Variants in PTPRG observed in about 807,000 individuals in gnomAD.
The protein encoded by PTPRG is protein tyrosine phosphatase receptor type G, also known as receptor-type tyrosine-protein phosphatase gamma.
In PTPRG, 102 loss-of-function variants were observed where a neutral mutation model predicts 165.3. The ratio of observed to expected loss-of-function variants is 0.62; its 90% CI spans 0.53 to 0.73. PTPRG has a LOEUF of 0.73. PTPRG is among the 30% of genes least tolerant of loss of function. The probability of loss-of-function intolerance (pLI) is 0.00; values close to 1 mark genes in which losing one functional copy is unlikely to be tolerated. For synonymous variants in PTPRG, 675 were observed against 669.5 expected (o/e 1.01, Z -0.13); for missense variants, 1,866 against 1,861.4 (o/e 1.00, Z -0.05).
chr3:62,124,028 AC>A (rs1317692044), intron 5 of PTPRG, among the ~76,000 whole-genome samples: 2 of 152,166 alleles, frequency 1.3e-5, no homozygotes, highest in Non-Finnish European at 2.9e-5. Context: ...AAGTGAGAGA[AC>A]ACCCTGGGAA....
At chr3:62,000,179 A>T (rs1429511152) in intron 3 of PTPRG, among the ~76,000 whole-genome samples, 20 of 151,494 alleles carry the variant, frequency 1.3e-4, no homozygotes, top group Non-Finnish European at 1.5e-5. Context: ...TACTCAGGAC[A>T]CTGAGGCAGG....
intron 4 of PTPRG, among the ~76,000 whole-genome samples, chr3:62,040,023 A>G (rs1700074394): frequency 6.6e-6 from 1 of 152,248 alleles, no homozygotes; most frequent in Non-Finnish European, 1.5e-5. Context: ...AGTATTTTTT[A>G]TAGGTAGTTA....
intron 28 of PTPRG, among the ~76,000 whole-genome samples, chr3:62,284,575 G>C (rs1702567351): frequency 6.6e-6 from 1 of 152,062 alleles, no homozygotes; most frequent in African/African-American, 2.4e-5. Flanking sequence ...ACAGTTGCTA[G>C]CTCTAGTGAG....
At chr3:61,973,272 C>T (rs919771933) in intron 2 of PTPRG, among the ~76,000 whole-genome samples, 15 of 152,196 alleles carry the variant, frequency 9.9e-5, no homozygotes, top group African/African-American at 2.9e-4. Flanking sequence ...TTGTTTTTCA[C>T]AACTAGGATC....
chr3:61,832,460 C>A (rs2036326998), intron 2 of PTPRG, among the ~76,000 whole-genome samples: 2 of 152,100 alleles, frequency 1.3e-5, no homozygotes, highest in African/African-American at 4.8e-5. Flanking sequence ...CAGGGTCATA[C>A]AACTGGGAAG....
intron 2 of PTPRG, among the ~76,000 whole-genome samples, chr3:61,880,892 G>T (rs1230223650): frequency 6.6e-6 from 1 of 151,650 alleles, no homozygotes; most frequent in African/African-American, 2.4e-5. Context: ...TATCCCAGGA[G>T]ATTTCCAATG....
At chr3:61,755,093 C>T (rs1014413494) in intron 2 of PTPRG, among the ~76,000 whole-genome samples, 1 of 152,052 alleles carries the variant, frequency 6.6e-6, no homozygotes, top group Admixed American at 6.6e-5. Flanking sequence ...CTGCAACCTC[C>T]GCCTCCTGGG....
Position 62,254,252 on chromosome 3 carries a change from T to A in PTPRG, c.2468-872T>A, listed in dbSNP as rs1428015243. Among the ~76,000 whole-genome samples, 1 of 152,216 alleles carries A rather than the reference T, an allele frequency of 6.6e-6. No homozygotes were observed. The highest frequency in any genetic ancestry group is 1.5e-5 in the Non-Finnish European group (1 of 68,046). ...ATAAAGTAAATGTCATGTCTGTTGT[T>A]TATCTCAAATTCAGCAGAGTATTTT... On this transcript the variant is annotated intron_variant, in intron 15 of 29. Transcript: ENST00000474889. The surrounding 1 kb of genome is among the most constrained non-coding windows in gnomAD (Gnocchi z 4.6).
intron 4 of PTPRG, among the ~76,000 whole-genome samples, chr3:62,006,326 C>G (rs2041297119): frequency 6.6e-6 from 1 of 152,126 alleles, no homozygotes; most frequent in Non-Finnish European, 1.5e-5. Flanking sequence ...AAAATATGCA[C>G]AAGAAAGTTG....
At position 62,281,555 on chromosome 3, in the gene PTPRG, T is replaced by A; in HGVS notation, c.3766-8T>A. On this transcript the variant is annotated splice_region_variant and splice_polypyrimidine_tract_variant and intron_variant, in intron 26 of 29. Transcript: ENST00000474889. ...TGCAGAGGCTTTTTTTTTTTTTGGA[T>A]TCCAAAGGCAGAAGATGAGTTTGTG... 6.6e-7 allele frequency: 1 copy of A among 1,504,898 alleles called. No individual in the cohort carries two copies. Among genetic ancestry groups the A allele is most frequent in the Non-Finnish European group, 8.9e-7 (1 of 1,125,486 alleles). The allele number at this position is 1,504,898 out of a possible 1,614,324, so 93.2% of individuals were successfully genotyped here. A position where few individuals can be genotyped will look rare whatever the true frequency, so the allele number is the denominator to read the frequency against.
chr3:62,042,609 T>C (rs1051931093), intron 4 of PTPRG, among the ~76,000 whole-genome samples: 1 of 152,186 alleles, frequency 6.6e-6, no homozygotes, highest in Non-Finnish European at 1.5e-5. Context: ...GGGTCTCAGC[T>C]TAGCTGCTTC....
intron 2 of PTPRG, among the ~76,000 whole-genome samples, chr3:61,831,070 C>T (rs910630058): frequency 4.6e-5 from 7 of 152,160 alleles, no homozygotes; most frequent in Non-Finnish European, 7.3e-5. Flanking sequence ...TGAGGAATAT[C>T]GGGTCAGTGA....
At chr3:61,783,767 A>C (rs1266741629) in intron 2 of PTPRG, among the ~76,000 whole-genome samples, 2 of 152,130 alleles carry the variant, frequency 1.3e-5, no homozygotes, top group East Asian at 3.9e-4. Flanking sequence ...TAAGCCCTGG[A>C]AGGAATGTGA....
Position 62,071,866 on chromosome 3 carries a change from G to C in PTPRG, c.520-6297G>C, listed in dbSNP as rs1281340646. 2.0e-5 allele frequency among the ~76,000 whole-genome samples: 3 copies of C among 152,124 alleles called. No homozygotes were observed. The East Asian group carries it at 5.8e-4, about 29-fold the overall frequency. On this transcript the variant is annotated intron_variant, in intron 4 of 29. Coordinates refer to ENST00000474889, the MANE Select transcript of PTPRG (RefSeq NM_002841.4). ...ATCGTACGGATACCTATCTCACTGA[G>C]TGCCAATGAATCATAGTACAGTACC...
At chr3:61,855,996 A>C (rs2037096827) in intron 2 of PTPRG, among the ~76,000 whole-genome samples, 1 of 152,096 alleles carries the variant, frequency 6.6e-6, no homozygotes, top group Non-Finnish European at 1.5e-5. Context: ...CTATTTCCAG[A>C]AGAACTTTCC....
intron 3 of PTPRG, among the ~76,000 whole-genome samples, chr3:61,995,777 C>A (rs1424738146): frequency 1.6e-5 from 2 of 128,134 alleles, no homozygotes; most frequent in Admixed American, 1.8e-4. Context: ...CCTTCTTTTT[C>A]TTTTTCTTTT....
At chr3:62,032,624 T>A (rs1365291965) in intron 4 of PTPRG, among the ~76,000 whole-genome samples, 2 of 152,174 alleles carry the variant, frequency 1.3e-5, no homozygotes, top group Non-Finnish European at 2.9e-5. Flanking sequence ...CAGGATTTAC[T>A]CCTGAGTTAT....
chr3:61,867,947 C>G (rs952660363), intron 2 of PTPRG, among the ~76,000 whole-genome samples: 3 of 152,228 alleles, frequency 2.0e-5, no homozygotes, highest in African/African-American at 7.2e-5. Flanking sequence ...GTCTGCTTAC[C>G]TTTCTCTAGG....
intron 1 of PTPRG, among the ~76,000 whole-genome samples, chr3:61,650,708 T>G (rs948908742): frequency 6.6e-6 from 1 of 152,242 alleles, no homozygotes; most frequent in Non-Finnish European, 1.5e-5. Flanking sequence ...CACAGTCAAC[T>G]TTTATCTTAA....
Sources: gnomAD v4.1 joint callset for allele counts (sites outside exome capture counted in the v4.1 genomes callset) on GRCh38, gnomAD v4.1.1 for gene constraint, Gnocchi (gnomAD v3.1) non-coding constraint, MANE v1.5 for transcripts, NCBI Gene and HGNC (gene_info 2026-07-23, HGNC 2026-07-21) for gene names.